The following MSH4 variants were observed in gnomAD, a reference collection of about 807,000 sequenced individuals.
MSH4 encodes mutS homolog 4.
In MSH4, 106 loss-of-function variants were observed where a neutral mutation model predicts 113.7. The observed-to-expected ratio is 0.93, with a 90% CI of 0.80 to 1.10. MSH4 has a LOEUF of 1.10. Among genes scored for constraint, MSH4 ranks in the 50% least tolerant of loss-of-function variants. The probability of loss-of-function intolerance (pLI) is 0.00; values close to 1 mark genes in which losing one functional copy is unlikely to be tolerated. For synonymous variants in MSH4, 368 were observed against 380.2 expected, an observed-to-expected ratio of 0.97 and a Z score of 0.37; for missense variants, 1,061 against 1,093.7, an observed-to-expected ratio of 0.97 and a Z score of 0.42.
chr1:75,907,037 G>T (rs1325737698), intron 19 of MSH4, among the ~76,000 whole-genome samples: 1 of 151,926 alleles, frequency 6.6e-6, no homozygotes, highest in Admixed American at 6.6e-5. Context: ...AGAGATATGA[G>T]TAGATTACAC....
At chr1:75,798,864 C>T (rs971240846) in intron 1 of MSH4, among the ~76,000 whole-genome samples, 11 of 152,102 alleles carry the variant, frequency 7.2e-5, no homozygotes, top group Non-Finnish European at 1.2e-4. Context: ...AGCCCTCAAA[C>T]TCTTAAGTGT....
intron 7 of MSH4, among the ~76,000 whole-genome samples, chr1:75,834,490 T>C (rs573299192): frequency 6.6e-6 from 1 of 152,218 alleles, no homozygotes; most frequent in Non-Finnish European, 1.5e-5. Context: ...CATATGTTTA[T>C]TGTGGCACTA....
intron 8 of MSH4, among the ~76,000 whole-genome samples, chr1:75,854,013 G>GTATATATATATATATATATATATATA (rs59347058): frequency 0.018 from 2,062 of 116,110 alleles, 105 homozygotes; most frequent in East Asian, 0.047. Context: ...GTGTGTGTGT[G>GTATATATATATATATATATATATATA]TATATATATA....
At chr1:75,842,048 A>G (rs1447221774) in intron 7 of MSH4, among the ~76,000 whole-genome samples, 1 of 152,180 alleles carries the variant, frequency 6.6e-6, no homozygotes, top group East Asian at 1.9e-4. Flanking sequence ...TTGGTTTTGT[A>G]TATTTTAGGG....
intron 7 of MSH4, among the ~76,000 whole-genome samples, chr1:75,847,667 T>C (rs1651103571): frequency 6.6e-6 from 1 of 152,120 alleles, no homozygotes. Context: ...TGATGCATCA[T>C]AACATGGAGG....
At chr1:75,842,507 G>A (rs970841319) in intron 7 of MSH4, among the ~76,000 whole-genome samples, 1 of 152,164 alleles carries the variant, frequency 6.6e-6, no homozygotes, top group South Asian at 2.1e-4. Flanking sequence ...GATTATATAT[G>A]AATATCATTA....
chr1:75,864,542 G>A lies in MSH4; in HGVS notation c.1231-2972G>A, dbSNP rs777272056. ...TATTACTGGTTTTAAAATTTTAGCC[G>A]TAGCATTTTAATAAACGTGGTTTTA... On this transcript the variant is annotated intron_variant, in intron 8 of 19. Coordinates refer to ENST00000263187, the MANE Select transcript of MSH4 (RefSeq NM_002440.4). Among the ~76,000 whole-genome samples, 13 of 152,182 alleles carry A rather than the reference G, an allele frequency of 8.5e-5. No individual in the cohort carries two copies. The East Asian group carries it at 1.4e-3, about 16-fold the overall frequency.
intron 7 of MSH4, among the ~76,000 whole-genome samples, chr1:75,837,386 C>CTTT (rs34812368): frequency 2.3e-4 from 24 of 106,602 alleles, no homozygotes; most frequent in Non-Finnish European, 2.2e-4. Flanking sequence ...AAATTGTGCC[C>CTTT]TTTTTTTTTT....
intron 15 of MSH4, among the ~76,000 whole-genome samples, chr1:75,885,065 A>ATG (rs1652040554): frequency 7.4e-6 from 1 of 135,916 alleles, no homozygotes; most frequent in African/African-American, 2.8e-5. Context: ...GTGTGTATAT[A>ATG]TATATATATA....
intron 15 of MSH4, among the ~76,000 whole-genome samples, chr1:75,885,450 T>TTG (rs1652055703): frequency 1.2e-5 from 1 of 85,364 alleles, no homozygotes; most frequent in Non-Finnish European, 2.1e-5. Flanking sequence ...TATACATATA[T>TTG]ATATATATAT....
rs745362563 is a variant in MSH4, at chr1:75,878,230, T to G, written c.1452T>G (p.Thr484=). The change falls in exon 11 of 20, where the codon ACT becomes ACG. Residue 484 remains threonine (T), a synonymous_variant. Coordinates refer to ENST00000263187, the MANE Select transcript of MSH4 (RefSeq NM_002440.4). Reference sequence around the variant, plus strand: ...TGAAAGGATGCCTAAACATGAGGACTCAGAAGTGCTATGCAGTGAGGTCTA... The same window carrying G: ...TGAAAGGATGCCTAAACATGAGGACGCAGAAGTGCTATGCAGTGAGGTCTA... ...RYMKGCLNMR[T]QKCYAVRSNI... is the part of the protein sequence containing the mutation. The G allele has an allele frequency of 6.2e-7, 1 of 1,610,366 alleles. No homozygotes were observed. Among genetic ancestry groups the G allele is most frequent in the South Asian group, 1.1e-5 (1 of 89,934 alleles).
intron 17 of MSH4, 117 bp downstream of exon 17, chr1:75,890,941 A>T: frequency 1.1e-6 from 1 of 902,506 alleles, no homozygotes; most frequent in South Asian, 1.9e-5. Context: ...TAGTAAACAC[A>T]TATCATCGCA....
intron 17 of MSH4, among the ~76,000 whole-genome samples, chr1:75,893,210 T>C (rs1310784300): frequency 6.6e-6 from 1 of 152,178 alleles, no homozygotes; most frequent in Admixed American, 6.5e-5. Context: ...AAGCACCAAA[T>C]TGCCAGCTCA....
At chr1:75,798,940 C>T (rs990681997) in intron 1 of MSH4, among the ~76,000 whole-genome samples, 2 of 152,090 alleles carry the variant, frequency 1.3e-5, no homozygotes, top group African/African-American at 2.4e-5. Context: ...TTATCATGTC[C>T]CTTGCCACTT....
intron 7 of MSH4, among the ~76,000 whole-genome samples, chr1:75,842,736 G>A (rs1314385584): frequency 4.6e-5 from 7 of 152,122 alleles, no homozygotes; most frequent in South Asian, 4.1e-4. Context: ...GAGGACGCCC[G>A]TTGCCAGGCG....
At chr1:75,835,714 T>C (rs575367516) in intron 7 of MSH4, among the ~76,000 whole-genome samples, 8 of 152,334 alleles carry the variant, frequency 5.3e-5, no homozygotes, top group African/African-American at 1.7e-4. Context: ...AAACTCTCCC[T>C]GGACTTCATC....
intron 17 of MSH4, among the ~76,000 whole-genome samples, chr1:75,893,929 T>C (rs1652316266): frequency 6.6e-6 from 1 of 152,184 alleles, no homozygotes; most frequent in Non-Finnish European, 1.5e-5. Context: ...TGGCCCACCA[T>C]GAATGAGTTG....
intron 7 of MSH4, among the ~76,000 whole-genome samples, chr1:75,832,655 C>CCAT (rs1226842312): frequency 6.6e-6 from 1 of 152,094 alleles, no homozygotes; most frequent in Non-Finnish European, 1.5e-5. Context: ...TATACGTAAT[C>CCAT]CATCACATAA....
At chr1:75,870,591 T>C (rs1305936878) in intron 9 of MSH4, among the ~76,000 whole-genome samples, 2 of 152,136 alleles carry the variant, frequency 1.3e-5, no homozygotes, top group Non-Finnish European at 2.9e-5. Context: ...CGAGATCTGA[T>C]GGTTGTTTAA....
Sources: allele counts gnomAD v4.1 joint callset (sites outside exome capture counted in the v4.1 genomes callset), GRCh38; gene constraint gnomAD v4.1.1; transcripts MANE v1.5; gene names NCBI Gene and HGNC (gene_info 2026-07-23, HGNC 2026-07-21).